The following MEF2D variants were observed in gnomAD, a reference collection of about 807,000 sequenced individuals.
The protein encoded by MEF2D is myocyte enhancer factor 2D.
A neutral mutation model predicts 59.3 loss-of-function variants in MEF2D; 10 were observed. That is an observed-to-expected ratio of 0.17 (90% CI 0.10 to 0.29). The LOEUF (loss-of-function observed/expected upper bound fraction) is 0.29. MEF2D is among the 10% of genes least tolerant of loss of function. MEF2D has a pLI of 1.00. For synonymous variants in MEF2D, 305 were observed against 295.0 expected (o/e 1.03, Z -0.35); for missense variants, 508 against 699.4 (o/e 0.73, Z 3.09).
At chr1:156,493,593 C>T (rs1265969185) in intron 1 of MEF2D, among the ~76,000 whole-genome samples, 1 of 152,148 alleles carries the variant, frequency 6.6e-6, no homozygotes, top group Non-Finnish European at 1.5e-5. Flanking sequence ...GAGAGCAGTA[C>T]CTGCACAAGG....
chr1:156,469,885 A>G (rs1671121919), intron 9 of MEF2D, among the ~76,000 whole-genome samples: 1 of 151,980 alleles, frequency 6.6e-6, no homozygotes, highest in Non-Finnish European at 1.5e-5. Flanking sequence ...CAAAAAGAAA[A>G]AAAAAATCAT....
At chr1:156,475,463 G>A (rs1332554291) in intron 8 of MEF2D, among the ~76,000 whole-genome samples, 1 of 152,246 alleles carries the variant, frequency 6.6e-6, no homozygotes. Context: ...CAACACACGT[G>A]CAAAGATGAA....
chr1:156,483,307 C>T lies in MEF2D; in HGVS notation c.-15G>A. On this transcript the variant is annotated 5_prime_UTR_variant, in exon 2 of 12. Transcript: ENST00000348159. ...TTCCTCCCCATCTTCTCCGGGGGTC[C>T]TCAGTGCTACGGAGGGGAGGGGCTC... The T allele has an allele frequency of 6.2e-7, 1 of 1,613,940 alleles. No homozygotes were observed. Among genetic ancestry groups the T allele is most frequent in the Non-Finnish European group, 8.5e-7 (1 of 1,179,858 alleles).
chr1:156,485,964 C>T (rs1304649419), intron 1 of MEF2D, among the ~76,000 whole-genome samples: 1 of 152,026 alleles, frequency 6.6e-6, no homozygotes, highest in African/African-American at 2.4e-5. Flanking sequence ...ATTCTCCTGC[C>T]TCGGCCTCCC....
chr1:156,494,431 T>A (rs558551176), intron 1 of MEF2D, among the ~76,000 whole-genome samples: 6 of 151,854 alleles, frequency 4.0e-5, no homozygotes, highest in African/African-American at 1.5e-4. Flanking sequence ...GCAAGACTCG[T>A]GGGGCTAAGT....
In MEF2D at chr1:156,468,985, G is replaced by T; in HGVS notation, c.1042C>A (p.Pro348Thr). Reference sequence around the variant, plus strand: ...AGCCCCCCAGGTGAACTAAAGGCTGGTAAGGAGGAGAGCTCTGCACTGGTC... The same window carrying T: ...AGCCCCCCAGGTGAACTAAAGGCTGTTAAGGAGGAGAGCTCTGCACTGGTC... ...QLTSAELSSLPAFSSPGGLSL... is the reference protein window; with the variant it reads ...QLTSAELSSLTAFSSPGGLSL... Residue 348 changes from proline (P) to threonine (T), a missense_variant, in exon 10 of 12, where the codon CCA becomes ACA. Coordinates refer to ENST00000348159, the MANE Select transcript of MEF2D (RefSeq NM_005920.4). The surrounding 1 kb of genome is among the most constrained non-coding windows in gnomAD (Gnocchi z 4.3). 4 of 1,612,682 alleles carry T rather than the reference G, an allele frequency of 2.5e-6. No individual in the cohort carries two copies. The highest frequency in any genetic ancestry group is 3.4e-6 in the Non-Finnish European group (4 of 1,178,846).
At chr1:156,500,013 A>T (rs1252989922) in intron 1 of MEF2D, among the ~76,000 whole-genome samples, 1 of 145,476 alleles carries the variant, frequency 6.9e-6, no homozygotes, top group African/African-American at 2.5e-5. Context: ...CCGCCCTCCC[A>T]GGCCCCCTTC....
At chr1:156,493,268 C>T (rs952312557) in intron 1 of MEF2D, among the ~76,000 whole-genome samples, 4 of 152,256 alleles carry the variant, frequency 2.6e-5, no homozygotes, top group South Asian at 2.1e-4. Flanking sequence ...GGTTCACCTA[C>T]GATGATGACA....
Position 156,466,950 on chromosome 1 carries a change from C to T in MEF2D, c.*695G>A, listed in dbSNP as rs903327676. 3 of 152,636 alleles carry T rather than the reference C, an allele frequency of 2.0e-5. No homozygotes were observed. The highest frequency in any genetic ancestry group is 2.9e-5 in the Non-Finnish European group (2 of 68,228). 9.5% of individuals were successfully genotyped at this position (152,636 alleles called of 1,614,324 possible). A position where few individuals can be genotyped will look rare whatever the true frequency, so the allele number is the denominator to read the frequency against. On this transcript the variant is annotated 3_prime_UTR_variant, in exon 12 of 12. Transcript: ENST00000348159. ...AACCCCTGTCTCCAGCCTCAGATTC[C>T]CAGGCTGCCTTCCCGGCCCAAAGCT... is the stretch of plus-strand genomic sequence containing the variant.
intron 1 of MEF2D, among the ~76,000 whole-genome samples, chr1:156,491,586 C>G (rs1672798383): frequency 6.6e-6 from 1 of 152,220 alleles, no homozygotes; most frequent in African/African-American, 2.4e-5. Flanking sequence ...ACACAAGGCC[C>G]TTGTGGCAGA....
chr1:156,498,825 G>A (rs1208437846), intron 1 of MEF2D, among the ~76,000 whole-genome samples: 2 of 152,074 alleles, frequency 1.3e-5, no homozygotes, highest in Non-Finnish European at 2.9e-5. Context: ...CAATCACCCC[G>A]TATAAAGAGG....
At chr1:156,487,927 G>C (rs548380381) in intron 1 of MEF2D, among the ~76,000 whole-genome samples, 3 of 152,368 alleles carry the variant, frequency 2.0e-5, no homozygotes, top group South Asian at 2.1e-4. Flanking sequence ...AGTATCTGGA[G>C]CCCAGGGCTT....
Position 156,480,948 on chromosome 1 carries a change from G to A in MEF2D, c.282C>T (p.Asn94=), listed in dbSNP as rs1925950. The change falls in exon 4 of 12, where the codon AAC becomes AAT. Residue 94 remains asparagine (N), a synonymous_variant. Transcript: ENST00000348159. ...CGTCGGGCTCGGGGCTGTCGCAGCC[G>A]TTGAAGCCCTTCTTCCTCAGGGTCT... ...IIETLRKKGF[N]GCDSPEPDGE... is the part of the protein sequence containing the mutation. The A allele has an allele frequency of 0.64, 1,025,465 of 1,611,834 alleles. 332,139 individuals carry two copies. Among genetic ancestry groups the A allele is most frequent in the East Asian group, 0.72 (32,352 of 44,836 alleles).
chr1:156,464,745 A>G lies in MEF2D; in HGVS notation c.*2900T>C, dbSNP rs938177461. The G allele has an allele frequency of 3.9e-5, 6 of 152,252 alleles. No individual in the cohort carries two copies. The highest frequency in any genetic ancestry group is 5.9e-5 in the Non-Finnish European group (4 of 68,068). 9.4% of individuals were successfully genotyped at this position (152,252 alleles called of 1,614,324 possible). A position where few individuals can be genotyped will look rare whatever the true frequency, so the allele number is the denominator to read the frequency against. On this transcript the variant is annotated 3_prime_UTR_variant, in exon 12 of 12. Transcript: ENST00000348159. ...ACCACCCCATCCCCAGGGACAGAGA[A>G]GAAAGGACACTGAAACATCCACACA...
intron 1 of MEF2D, among the ~76,000 whole-genome samples, chr1:156,491,978 T>C (rs781614798): frequency 1.3e-5 from 2 of 152,224 alleles, no homozygotes; most frequent in Non-Finnish European, 2.9e-5. Flanking sequence ...CTCCCAGTGA[T>C]ACAGTATAGA....
chr1:156,474,645 C>CA (rs562242786), intron 9 of MEF2D, among the ~76,000 whole-genome samples: 310 of 150,516 alleles, frequency 2.1e-3, no homozygotes, highest in African/African-American at 6.7e-3. Context: ...CTTGTCTGTA[C>CA]AAAAAAAATG....
intron 1 of MEF2D, among the ~76,000 whole-genome samples, chr1:156,485,820 C>A (rs1463452318): frequency 6.6e-6 from 1 of 151,450 alleles, no homozygotes; most frequent in Non-Finnish European, 1.5e-5. Context: ...TGAGTGTGTA[C>A]CACCATGCCA....
intron 9 of MEF2D, among the ~76,000 whole-genome samples, chr1:156,474,257 C>G (rs919927145): frequency 4.6e-5 from 7 of 152,078 alleles, no homozygotes; most frequent in Non-Finnish European, 1.0e-4. Flanking sequence ...GAGACCAGCC[C>G]AGGCAACATG....
Position 156,477,198 on chromosome 1 carries a change from A to G in MEF2D, c.669T>C (p.Asn223=). 1 of 1,598,418 alleles carries G rather than the reference A, an allele frequency of 6.3e-7. No individual in the cohort carries two copies. Among genetic ancestry groups the G allele is most frequent in the Non-Finnish European group, 8.5e-7 (1 of 1,171,242 alleles). Residue 223 remains asparagine, a synonymous_variant, in exon 7 of 12, where the codon AAT becomes AAC. Transcript: ENST00000348159. ...ANGACPSPVG[N]GYVSARASPG... ...GGGAAGCCCGAGCACTGACGTAGCCATTCCCTGGAGAAGTGACAACAAGAG... is the reference window on the plus strand; with the variant it reads ...GGGAAGCCCGAGCACTGACGTAGCCGTTCCCTGGAGAAGTGACAACAAGAG...
Sources: gnomAD v4.1 joint callset for allele counts (sites outside exome capture counted in the v4.1 genomes callset) on GRCh38, gnomAD v4.1.1 for gene constraint, Gnocchi (gnomAD v3.1) non-coding constraint, MANE v1.5 for transcripts, NCBI Gene and HGNC (gene_info 2026-07-23, HGNC 2026-07-21) for gene names.